The following PLXNA2 variants were observed in gnomAD, a reference collection of about 807,000 sequenced individuals.
The protein encoded by PLXNA2 is plexin A2.
Under a neutral mutation model 193.5 loss-of-function variants are expected in PLXNA2, and 91 were observed. The observed-to-expected ratio is 0.47, with a 90% CI of 0.40 to 0.56. The LOEUF (loss-of-function observed/expected upper bound fraction) is 0.56, where lower values mean the gene tolerates loss of function less well. Among genes scored for constraint, PLXNA2 ranks in the 20% least tolerant of loss-of-function variants. The pLI is 0.00. For synonymous variants in PLXNA2, 997 were observed against 1,027.3 expected (o/e 0.97, Z 0.56); for missense variants, 1,995 against 2,503.2 (o/e 0.80, Z 4.33).
chr1:208,042,352 C>T lies in PLXNA2; in HGVS notation c.4032G>A (p.Gly1344=). The T allele has an allele frequency of 2.5e-6, 4 of 1,613,636 alleles. No individual in the cohort carries two copies. Among genetic ancestry groups the T allele is most frequent in the South Asian group, 2.2e-5 (2 of 91,066 alleles). The change falls in exon 22 of 32, where the codon GGG becomes GGA. Residue 1344 remains glycine (G), a synonymous_variant. Coordinates refer to ENST00000367033, the MANE Select transcript of PLXNA2 (RefSeq NM_025179.4). ...TCAGGGCCTTCTCCACGTGCTGCTG[C>T]CCGTTTCCTTGTACCTGGGGTGGGG... ...VLRELEVQGN[G]QQHVEKALKL...
chr1:208,148,602 G>C (rs925414328), intron 3 of PLXNA2, among the ~76,000 whole-genome samples: 3 of 152,172 alleles, frequency 2.0e-5, no homozygotes, highest in African/African-American at 7.2e-5. Context: ...GATTTATTAT[G>C]TGCCTACCAT....
chr1:208,097,553 T>C (rs1317736885), intron 6 of PLXNA2, among the ~76,000 whole-genome samples: 1 of 152,206 alleles, frequency 6.6e-6, no homozygotes, highest in African/African-American at 2.4e-5. Flanking sequence ...TGGGTTCCAA[T>C]CATCTAGGCC....
rs372912020 is a variant in PLXNA2 at position 208,047,053 on chromosome 1, C to G, written c.3256-936G>C. Among the ~76,000 whole-genome samples the G allele has an allele frequency of 2.6e-5, 4 of 152,208 alleles. No individual in the cohort carries two copies. In the East Asian group the frequency reaches 7.7e-4, roughly 29 times the overall value. ...TCAGCTCACTGCAGCCTCCGCCTCC[C>G]GGGTTCCAGTGATTCTCCTGCCTCA... On this transcript the variant is annotated intron_variant, in intron 17 of 31. Transcript: ENST00000367033.
intron 4 of PLXNA2, among the ~76,000 whole-genome samples, chr1:208,117,135 C>T (rs75864616): frequency 6.6e-6 from 1 of 152,136 alleles, no homozygotes; most frequent in Non-Finnish European, 1.5e-5. Context: ...CACACCACTG[C>T]ACTCCAGCCT....
chr1:208,189,933 G>A (rs549974990), intron 3 of PLXNA2, among the ~76,000 whole-genome samples: 2 of 152,250 alleles, frequency 1.3e-5, no homozygotes, highest in South Asian at 2.1e-4. Flanking sequence ...TCAGGAGCAG[G>A]AGAAATATCT....
At position 208,243,841 on chromosome 1, in the gene PLXNA2, T is replaced by A. The variant is rs78899393; in HGVS notation, c.-279A>T. ...TTATCTGTATTCCTGAAGTCGCTCC[T>A]CGGTCTCCGCTCCGCGCGCCCCTCA... On this transcript the variant is annotated 5_prime_UTR_variant, in exon 1 of 32. Transcript: ENST00000367033. 0.066 allele frequency: 10,081 copies of A among 152,344 alleles called. 692 individuals carry two copies. Among genetic ancestry groups the A allele is most frequent in the East Asian group, 0.25 (1,290 of 5,144 alleles). 9.4% of individuals were successfully genotyped at this position (152,344 alleles called of 1,614,324 possible). A position where few individuals can be genotyped will look rare whatever the true frequency, so the allele number is the denominator to read the frequency against.
At chr1:208,126,166 C>T (rs953518836) in intron 4 of PLXNA2, among the ~76,000 whole-genome samples, 4 of 152,096 alleles carry the variant, frequency 2.6e-5, no homozygotes, top group African/African-American at 9.7e-5. Context: ...CGACCATGAA[C>T]GATTGGTGGG....
chr1:208,103,192 A>C lies in PLXNA2; in HGVS notation c.1562T>G (p.Leu521Arg). 1 of 1,614,158 alleles carries C rather than the reference A, an allele frequency of 6.2e-7. No homozygotes were observed. Among genetic ancestry groups the C allele is most frequent in the Non-Finnish European group, 8.5e-7 (1 of 1,180,018 alleles). Residue 521 changes from leucine to arginine, a missense_variant, in exon 5 of 32, where the codon CTG becomes CGG. Around this residue, in one of 3 missense-constraint regions of PLXNA2, gnomAD observed 702 missense variants for 812.9 expected, o/e 0.86. Coordinates refer to ENST00000367033, the MANE Select transcript of PLXNA2 (RefSeq NM_025179.4). ...GCCACAGTGAGGGTCCCCAGAGCTC[A>C]GGCACTCCCCACAAGTCGTATACTG... Reference protein sequence around the residue: ...CEQYTTCGECLSSGDPHCGWC... With the variant: ...CEQYTTCGECRSSGDPHCGWC...
At position 208,026,207 on chromosome 1, in the gene PLXNA2, C is replaced by T. The variant is rs1309899766; in HGVS notation, c.*1036G>A. On this transcript the variant is annotated 3_prime_UTR_variant, in exon 32 of 32. Transcript: ENST00000367033. ...ACCTCGTGGAGGCCTGGCCCACACACCTCCAGGCCGTTTCCCCAGGGTGCC... is the reference window on the plus strand; with the variant it reads ...ACCTCGTGGAGGCCTGGCCCACACATCTCCAGGCCGTTTCCCCAGGGTGCC... 2.0e-5 allele frequency: 3 copies of T among 152,414 alleles called. No individual in the cohort carries two copies. The highest frequency in any genetic ancestry group is 7.2e-5 in the African/African-American group (3 of 41,448). 9.4% of individuals were successfully genotyped at this position (152,414 alleles called of 1,614,324 possible).
chr1:208,202,226 C>T (rs546087862), intron 3 of PLXNA2, among the ~76,000 whole-genome samples: 377 of 152,142 alleles, frequency 2.5e-3, no homozygotes, highest in Non-Finnish European at 4.3e-3. Context: ...GTGATCAGCC[C>T]GCCTCGGCCT....
At position 208,103,288 on chromosome 1, in the gene PLXNA2, TGAC is replaced by T. The variant is rs1433744673; in HGVS notation, c.1507-44_1507-42del. 12 of 1,482,590 alleles carry T rather than the reference TGAC, an allele frequency of 8.1e-6. No homozygotes were observed. The South Asian group carries it at 1.2e-4, about 15-fold the overall frequency. 91.8% of individuals were successfully genotyped at this position (1,482,590 alleles called of 1,614,324 possible). On this transcript the variant is annotated intron_variant, in intron 4 of 31. Coordinates refer to ENST00000367033, the MANE Select transcript of PLXNA2 (RefSeq NM_025179.4). ...AAGAGGGTACAGTGAGGTTAGGCTGTGACGACTAGCAGGTGTGTGTCACACAGT... is the reference window on the plus strand; with the variant it reads ...AAGAGGGTACAGTGAGGTTAGGCTGTGACTAGCAGGTGTGTGTCACACAGT...
At position 208,025,702 on chromosome 1, in the gene PLXNA2, C is replaced by A. The variant is rs1173798715; in HGVS notation, c.*1541G>T. 1 of 152,274 alleles carries A rather than the reference C, an allele frequency of 6.6e-6. No individual in the cohort carries two copies. The highest frequency in any genetic ancestry group is 1.5e-5 in the Non-Finnish European group (1 of 68,104). 9.4% of individuals were successfully genotyped at this position (152,274 alleles called of 1,614,324 possible). ...CTTTCCTCTCGATGACTCCCACTGGCTTCTATGGGGCCTTTGGACCTGGGC... is the reference window on the plus strand; with the variant it reads ...CTTTCCTCTCGATGACTCCCACTGGATTCTATGGGGCCTTTGGACCTGGGC... On this transcript the variant is annotated 3_prime_UTR_variant, in exon 32 of 32. Coordinates refer to ENST00000367033, the MANE Select transcript of PLXNA2 (RefSeq NM_025179.4).
intron 3 of PLXNA2, among the ~76,000 whole-genome samples, chr1:208,160,157 C>T (rs969991367): frequency 2.0e-5 from 3 of 152,232 alleles, no homozygotes; most frequent in African/African-American, 7.2e-5. Flanking sequence ...ACTCCTTCTG[C>T]TACCAGAGAT....
At chr1:208,223,610 T>C (rs1478677394) in intron 1 of PLXNA2, among the ~76,000 whole-genome samples, 1 of 152,196 alleles carries the variant, frequency 6.6e-6, no homozygotes, top group Non-Finnish European at 1.5e-5. Context: ...GCTTCTGTCC[T>C]CTTCTAGGCC....
intron 3 of PLXNA2, among the ~76,000 whole-genome samples, chr1:208,144,081 G>C (rs765282545): frequency 1.3e-5 from 2 of 152,148 alleles, no homozygotes; most frequent in Admixed American, 6.5e-5. Context: ...TAAGATTAAG[G>C]CTTCTTCTCC....
intron 3 of PLXNA2, among the ~76,000 whole-genome samples, chr1:208,160,695 T>C (rs924656517): frequency 4.6e-5 from 7 of 152,254 alleles, no homozygotes; most frequent in African/African-American, 1.7e-4. Flanking sequence ...GGACCTGCTA[T>C]GTGCTAAGGA....
chr1:208,217,014 G>C lies in PLXNA2; in HGVS notation c.909C>G (p.Ala303=). ...CCTGCAGGAGGCGGTATTCCACCCC[G>C]GCCCGGGTGCAGCCGAAGGGCAGGG... The part of the protein sequence containing the change: ...YVSLPFGCTR[A]GVEYRLLQAA... Residue 303 remains alanine, a synonymous_variant, in exon 2 of 32, where the codon GCC becomes GCG. Coordinates refer to ENST00000367033, the MANE Select transcript of PLXNA2 (RefSeq NM_025179.4). This position sits in a 1 kb window ranked among gnomAD's most constrained non-coding sequence, Gnocchi z 4.7. 6.2e-7 allele frequency: 1 copy of C among 1,611,826 alleles called. No homozygotes were observed. The highest frequency in any genetic ancestry group is 1.1e-5 in the South Asian group (1 of 90,940).
intron 12 of PLXNA2, among the ~76,000 whole-genome samples, chr1:208,065,219 A>G (rs1444293592): frequency 6.6e-6 from 1 of 152,226 alleles, no homozygotes; most frequent in Non-Finnish European, 1.5e-5. Flanking sequence ...TGTTAGGCAG[A>G]TCCATGTCTT....
chr1:208,119,040 G>A (rs866817649), intron 4 of PLXNA2, among the ~76,000 whole-genome samples: 11 of 152,210 alleles, frequency 7.2e-5, no homozygotes, highest in South Asian at 4.1e-4. Context: ...CCACCTGAGC[G>A]TAATCTGGCT....
Sources: allele counts gnomAD v4.1 joint callset (sites outside exome capture counted in the v4.1 genomes callset), GRCh38; gene constraint gnomAD v4.1.1; regional missense constraint gnomAD v4.1.1; non-coding constraint Gnocchi (gnomAD v3.1); transcripts MANE v1.5; gene names NCBI Gene and HGNC (gene_info 2026-07-23, HGNC 2026-07-21).